ARHGEF4: variants seen among roughly 807,000 people sequenced by gnomAD.
The protein encoded by ARHGEF4 is APC-stimulated guanine nucleotide exchange factor 1.
A neutral mutation model predicts 162.0 loss-of-function variants in ARHGEF4; 119 were observed. That is an observed-to-expected ratio of 0.73 (90% CI 0.63 to 0.86). ARHGEF4 has a LOEUF of 0.86. ARHGEF4 is among the 40% of genes least tolerant of loss of function. The pLI, the probability that ARHGEF4 is intolerant of heterozygous loss-of-function variation, is 0.00. For missense variants in ARHGEF4, 2,488 were observed against 2,456.0 expected, an observed-to-expected ratio of 1.01 and a Z score of -0.28; for synonymous variants, 1,014 against 979.9, an observed-to-expected ratio of 1.03 and a Z score of -0.65.
chr2:130,848,312 G>A (rs979693913), intron 1 of ARHGEF4, among the ~76,000 whole-genome samples: 5 of 152,304 alleles, frequency 3.3e-5, no homozygotes, highest in South Asian at 4.1e-4. Context: ...ATACCGACTC[G>A]ACCCCAAGGC....
chr2:131,043,043 GA>G (rs575495091), intron 10 of ARHGEF4, among the ~76,000 whole-genome samples: 1 of 151,940 alleles, frequency 6.6e-6, no homozygotes, highest in Admixed American at 6.6e-5. Context: ...TTTAAAAAGG[GA>G]AAAAAACAAG....
rs796486942 is a variant in ARHGEF4, at chr2:130,974,680, C to CCAAG, written c.3985+28047_3985+28050dup. On this transcript the variant is annotated intron_variant, in intron 4 of 13. Coordinates refer to ENST00000409359, the MANE Select transcript of ARHGEF4 (RefSeq NM_001367493.1). ...TTTCGCTATGTTGCTCAGGCTGGTC[C>CCAAG]CAAGCTCCTGAGCTCAAGCAATCCA... Among the ~76,000 whole-genome samples, 9 of 151,490 alleles carry CCAAG rather than the reference C, an allele frequency of 5.9e-5. No homozygotes were observed. In the South Asian group the frequency reaches 1.9e-3, roughly 32 times the overall value.
At chr2:130,948,248 GCT>G (rs2105153886) in intron 4 of ARHGEF4, among the ~76,000 whole-genome samples, 2 of 152,342 alleles carry the variant, frequency 1.3e-5, no homozygotes, top group African/African-American at 4.8e-5. Context: ...GCTCAGATTA[GCT>G]GGTGGATGTG....
At position 130,931,175 on chromosome 2, in the gene ARHGEF4, A is replaced by G; in HGVS notation, c.3776A>G (p.Lys1259Arg). ...PVSVDDLWLE[K>R]TQRKKLQKQA... ...AGTGTGGATGACCTGTGGCTGGAGA[A>G]GACACAGAGAAAGAAGTTGCAGAAG... The change falls in exon 3 of 14, where the codon AAG (lysine) becomes AGG (arginine). Residue 1259 changes from lysine to arginine, a missense_variant. By Grantham distance (26) the Lys-to-Arg change is conservative (BLOSUM62 2). This residue lies in a region of ARHGEF4 where 1,642 missense variants were observed against 1,481.5 expected (regional missense o/e 1.11). Transcript: ENST00000409359. 6.2e-7 allele frequency: 1 copy of G among 1,614,114 alleles called. No individual in the cohort carries two copies. Among genetic ancestry groups the G allele is most frequent in the Non-Finnish European group, 8.5e-7 (1 of 1,179,990 alleles).
intron 4 of ARHGEF4, among the ~76,000 whole-genome samples, chr2:130,979,060 G>C (rs1462308080): frequency 1.3e-5 from 2 of 151,952 alleles, no homozygotes; most frequent in Non-Finnish European, 2.9e-5. Flanking sequence ...TTCTAAGCCA[G>C]TTTTTTTTGA....
chr2:130,935,663 C>A lies in ARHGEF4; in HGVS notation c.3858+4406C>A, dbSNP rs6708280. 2.3e-3 allele frequency among the ~76,000 whole-genome samples: 355 copies of A among 152,286 alleles called. 2 individuals carry two copies. Among genetic ancestry groups the A allele is most frequent in the African/African-American group, 8.1e-3 (336 of 41,564 alleles). On this transcript the variant is annotated intron_variant, in intron 3 of 13. Transcript: ENST00000409359. ...TATGATTTCTTCTTTGACTCACTGG[C>A]TGTTTAATATTGTATTAATTTCCAT...
intron 4 of ARHGEF4, among the ~76,000 whole-genome samples, chr2:131,027,435 A>G (rs886445304): frequency 1.3e-5 from 2 of 152,226 alleles, no homozygotes; most frequent in Non-Finnish European, 2.9e-5. Context: ...AATGGAGTAT[A>G]CAAGATATGG....
rs1310941201 is a variant in ARHGEF4 at position 130,974,545 on chromosome 2, T to C, written c.3985+27910T>C. ...ACTGCAGCCTCCACACTTTCTAGGC[T>C]CAAGCGATCCTCCCACCTCAGCCTC... On this transcript the variant is annotated intron_variant, in intron 4 of 13. Transcript: ENST00000409359. 2.0e-5 allele frequency among the ~76,000 whole-genome samples: 3 copies of C among 151,718 alleles called. No homozygotes were observed. The East Asian group carries it at 5.8e-4, about 29-fold the overall frequency.
At chr2:130,949,259 C>T (rs1261770798) in intron 4 of ARHGEF4, among the ~76,000 whole-genome samples, 1 of 152,108 alleles carries the variant, frequency 6.6e-6, no homozygotes, top group African/African-American at 2.4e-5. Context: ...GTAAAATTTT[C>T]TTGTTATTTC....
intron 1 of ARHGEF4, among the ~76,000 whole-genome samples, chr2:130,869,025 C>T (rs537840662): frequency 5.1e-4 from 78 of 152,322 alleles, no homozygotes; most frequent in African/African-American, 1.9e-3. Context: ...ACTTCATTAC[C>T]TCAGCCCCAT....
rs148729920 is a variant in ARHGEF4, at chr2:130,901,871, C to T, written c.40-12115C>T. 8.0e-3 allele frequency among the ~76,000 whole-genome samples: 1,218 copies of T among 152,292 alleles called. 8 individuals are homozygous for T. Among genetic ancestry groups the T allele is most frequent in the Non-Finnish European group, 0.012 (806 of 68,028 alleles). Reference sequence around the variant, plus strand: ...CTTAAACTCTCACACACAAAGCCAACGGTCTCCCTGTCCTAAATCAGCCCA... The same window carrying T: ...CTTAAACTCTCACACACAAAGCCAATGGTCTCCCTGTCCTAAATCAGCCCA... On this transcript the variant is annotated intron_variant, in intron 1 of 13. Transcript: ENST00000409359.
rs929916070 is a variant in ARHGEF4, at chr2:131,039,230, C to T, written c.4305+198C>T. 10 of 1,263,004 alleles carry T rather than the reference C, an allele frequency of 7.9e-6. No individual in the cohort carries two copies. The South Asian group carries it at 8.3e-5, about 11-fold the overall frequency. The allele number at this position is 1,263,004 out of a possible 1,614,324, so 78.2% of individuals were successfully genotyped here. ...TCCCATTCCTCTTCTGGTGAGCCCT[C>T]GGGGGCCAGAGAGGAGAGCAGTCGA... On this transcript the variant is annotated intron_variant, in intron 6 of 13. Coordinates refer to ENST00000409359, the MANE Select transcript of ARHGEF4 (RefSeq NM_001367493.1).
chr2:131,035,099 G>T, intron 5 of ARHGEF4: 1 of 1,088,368 alleles, frequency 9.2e-7, no homozygotes, highest in Non-Finnish European at 1.1e-6. Flanking sequence ...GCCATGGCGA[G>T]GGCCCCGCAG....
At chr2:130,922,775 A>T (rs1434976668) in intron 2 of ARHGEF4, among the ~76,000 whole-genome samples, 2 of 139,172 alleles carry the variant, frequency 1.4e-5, no homozygotes, top group African/African-American at 5.1e-5. Flanking sequence ...TTTTTTTTTC[A>T]CTCTCTTGTG....
chr2:130,968,530 A>G (rs1348168436), intron 4 of ARHGEF4, among the ~76,000 whole-genome samples: 1 of 152,216 alleles, frequency 6.6e-6, no homozygotes, highest in Non-Finnish European at 1.5e-5. Flanking sequence ...ACTGCATTGG[A>G]TGCTTTCAGT....
intron 4 of ARHGEF4, among the ~76,000 whole-genome samples, chr2:130,995,281 G>A (rs1687302347): frequency 2.0e-5 from 3 of 152,102 alleles, no homozygotes; most frequent in Admixed American, 2.0e-4. Flanking sequence ...TCTTTATTCA[G>A]CTGTACCTAA....
Position 130,915,992 on chromosome 2 carries a change from A to C in ARHGEF4, c.2046A>C (p.Lys682Asn), listed in dbSNP as rs1188155999. 2 of 1,550,406 alleles carry C rather than the reference A, an allele frequency of 1.3e-6. No individual in the cohort carries two copies. The highest frequency in any genetic ancestry group is 2.7e-5 in the African/African-American group (2 of 73,068). Reference protein sequence around the residue: ...ETPCESPTRGKTPAGNECELP... With the variant: ...ETPCESPTRGNTPAGNECELP... ...CCTGTGAGTCTCCCACTAGGGGGAA[A>C]ACACCAGCCGGTAATGAGTGTGAGT... Residue 682 changes from lysine to asparagine, a missense_variant, in exon 2 of 14, where the codon AAA becomes AAC. Around this residue, in one of 6 missense-constraint regions of ARHGEF4, gnomAD observed 1,642 missense variants for 1,481.5 expected, o/e 1.11. Transcript: ENST00000409359.
At chr2:130,869,056 A>G (rs1682499582) in intron 1 of ARHGEF4, among the ~76,000 whole-genome samples, 1 of 152,194 alleles carries the variant, frequency 6.6e-6, no homozygotes, top group Non-Finnish European at 1.5e-5. Context: ...CTAAAAGGCA[A>G]CAGTCACAGG....
chr2:130,961,969 G>A lies in ARHGEF4; in HGVS notation c.3985+15334G>A, dbSNP rs868388422. On this transcript the variant is annotated intron_variant, in intron 4 of 13. Transcript: ENST00000409359. ...GAAAGACTGGAAGCAGGCCGGGCGC[G>A]GTGGCTCATGCCTGTAATCCCAGCA... is the stretch of plus-strand genomic sequence containing the variant. Among the ~76,000 whole-genome samples the A allele has an allele frequency of 5.3e-5, 8 of 152,258 alleles. No individual in the cohort carries two copies. The East Asian group carries it at 7.8e-4, about 15-fold the overall frequency.
Sources: allele counts gnomAD v4.1 joint callset (sites outside exome capture counted in the v4.1 genomes callset), GRCh38; gene constraint gnomAD v4.1.1; regional missense constraint gnomAD v4.1.1; transcripts MANE v1.5; gene names NCBI Gene and HGNC (gene_info 2026-07-23, HGNC 2026-07-21).